Variants in GRIK1 observed in about 807,000 individuals in gnomAD.
GRIK1 encodes the protein glutamate ionotropic receptor kainate type subunit 1.
In GRIK1, 69 loss-of-function variants were observed where a neutral mutation model predicts 105.7. The ratio of observed to expected loss-of-function variants is 0.65; its 90% CI spans 0.54 to 0.80. The LOEUF is 0.80. Among genes scored for constraint, GRIK1 ranks in the 30% least tolerant of loss-of-function variants. The pLI, the probability that GRIK1 is intolerant of heterozygous loss-of-function variation, is 0.00. For synonymous variants in GRIK1, 438 were observed against 431.3 expected (o/e 1.02, Z -0.19); for missense variants, 1,109 against 1,167.3 (o/e 0.95, Z 0.73).
At chr21:29,599,237 T>A (rs1392664667) in intron 7 of GRIK1, among the ~76,000 whole-genome samples, 1 of 152,208 alleles carries the variant, frequency 6.6e-6, no homozygotes, top group East Asian at 1.9e-4. Context: ...ACACAAAATC[T>A]GAGAAATCAC....
intron 1 of GRIK1, among the ~76,000 whole-genome samples, chr21:29,845,267 A>G (rs1348852280): frequency 6.6e-6 from 1 of 152,152 alleles, no homozygotes; most frequent in Non-Finnish European, 1.5e-5. Context: ...AAGAAAAAAA[A>G]TGCCAAACGT....
At chr21:29,707,608 G>C (rs1489585768) in intron 1 of GRIK1, among the ~76,000 whole-genome samples, 1 of 151,732 alleles carries the variant, frequency 6.6e-6, no homozygotes, top group Non-Finnish European at 1.5e-5. Context: ...TGATTCTCCT[G>C]CCTCAGCCTC....
intron 7 of GRIK1, among the ~76,000 whole-genome samples, chr21:29,641,779 C>G (rs745544173): frequency 3.9e-5 from 6 of 152,172 alleles, no homozygotes; most frequent in Non-Finnish European, 7.3e-5. Flanking sequence ...TACATCCCGC[C>G]TGCTTTATCC....
At chr21:29,825,900 CCTCT>C (rs1351790806) in intron 1 of GRIK1, among the ~76,000 whole-genome samples, 1 of 151,968 alleles carries the variant, frequency 6.6e-6, no homozygotes, top group African/African-American at 2.4e-5. Context: ...AGGGAGTGAT[CCTCT>C]CTCTCCCCAC....
At chr21:29,546,553 T>C (rs567039832) in intron 16 of GRIK1, among the ~76,000 whole-genome samples, 1 of 152,356 alleles carries the variant, frequency 6.6e-6, no homozygotes, top group Admixed American at 6.5e-5. Context: ...TCACAGAGAT[T>C]AAGGTAGTAT....
chr21:29,864,908 T>C (rs376679981), intron 1 of GRIK1, among the ~76,000 whole-genome samples: 1 of 152,114 alleles, frequency 6.6e-6, no homozygotes, highest in Non-Finnish European at 1.5e-5. Flanking sequence ...ATGGTCACGA[T>C]TGGGTTGGGG....
chr21:29,809,964 A>G (rs2066967252), intron 1 of GRIK1, among the ~76,000 whole-genome samples: 1 of 152,110 alleles, frequency 6.6e-6, no homozygotes, highest in Non-Finnish European at 1.5e-5. Context: ...TAGCTGTCTC[A>G]TATTGGTGCC....
chr21:29,660,019 C>A (rs2062932592), intron 4 of GRIK1, among the ~76,000 whole-genome samples: 1 of 152,046 alleles, frequency 6.6e-6, no homozygotes, highest in Admixed American at 6.6e-5. Context: ...ACCCTCACTG[C>A]CAGCTGCCTC....
At chr21:29,938,922 C>A (rs912561224) in intron 1 of GRIK1, among the ~76,000 whole-genome samples, 7 of 152,084 alleles carry the variant, frequency 4.6e-5, no homozygotes, top group African/African-American at 1.7e-4. Flanking sequence ...CCCTAGTGGT[C>A]CCTGTATTGT....
In GRIK1 at chr21:29,673,500, G is replaced by A. The variant is rs547415961; in HGVS notation, c.545-336C>T. ...CTTGGTAAACAAAAAGTTGGTTGAAGTTTCCAAAAGTGTTCGATGAAATAG... is the reference window on the plus strand; with the variant it reads ...CTTGGTAAACAAAAAGTTGGTTGAAATTTCCAAAAGTGTTCGATGAAATAG... On this transcript the variant is annotated intron_variant, in intron 3 of 17. Transcript: ENST00000327783. Among the ~76,000 whole-genome samples the A allele has an allele frequency of 2.0e-4, 30 of 152,276 alleles. 1 individual carries two copies. The South Asian group carries it at 6.2e-3, about 32-fold the overall frequency.
intron 12 of GRIK1, among the ~76,000 whole-genome samples, chr21:29,585,693 A>G (rs1374856826): frequency 6.6e-6 from 1 of 152,244 alleles, no homozygotes; most frequent in Non-Finnish European, 1.5e-5. Context: ...TGCAACAAGT[A>G]AACACAAGAT....
chr21:29,558,402 C>T (rs2090311709), intron 15 of GRIK1, among the ~76,000 whole-genome samples: 1 of 129,898 alleles, frequency 7.7e-6, no homozygotes, highest in Non-Finnish European at 1.6e-5. Context: ...ACACACATAT[C>T]TTCCTGAATA....
At chr21:29,782,302 G>A (rs970086389) in intron 1 of GRIK1, among the ~76,000 whole-genome samples, 16 of 151,958 alleles carry the variant, frequency 1.1e-4, no homozygotes, top group South Asian at 4.2e-4. Context: ...TAGCCAGGAT[G>A]GTCTCGATCT....
chr21:29,788,005 T>C (rs924529219), intron 1 of GRIK1, among the ~76,000 whole-genome samples: 3 of 152,238 alleles, frequency 2.0e-5, no homozygotes, highest in Non-Finnish European at 2.9e-5. Flanking sequence ...ATATAATTAC[T>C]TCTATTCATT....
chr21:29,929,022 T>C (rs1187682141), intron 1 of GRIK1, among the ~76,000 whole-genome samples: 1 of 152,190 alleles, frequency 6.6e-6, no homozygotes, highest in Non-Finnish European at 1.5e-5. Flanking sequence ...CTGGATGCTG[T>C]GGCTATAAAT....
chr21:29,843,496 A>T (rs541346189), intron 1 of GRIK1, among the ~76,000 whole-genome samples: 1 of 152,360 alleles, frequency 6.6e-6, no homozygotes, highest in South Asian at 2.1e-4. Context: ...ACATAACTCC[A>T]ACTGTGCCAA....
At chr21:29,798,388 T>C (rs976939170) in intron 1 of GRIK1, among the ~76,000 whole-genome samples, 2 of 152,248 alleles carry the variant, frequency 1.3e-5, no homozygotes, top group African/African-American at 4.8e-5. Context: ...ATTACTTTAA[T>C]GTAAGTAGTG....
At chr21:29,797,993 A>T (rs2066604029) in intron 1 of GRIK1, among the ~76,000 whole-genome samples, 1 of 152,170 alleles carries the variant, frequency 6.6e-6, no homozygotes, top group African/African-American at 2.4e-5. Context: ...CCCAATGAGT[A>T]TGTTTTCTTC....
intron 1 of GRIK1, among the ~76,000 whole-genome samples, chr21:29,775,624 T>C (rs926157212): frequency 2.6e-5 from 4 of 152,154 alleles, no homozygotes; most frequent in African/African-American, 9.6e-5. Flanking sequence ...AAAGGCCAGG[T>C]CTCCTGACTC....
Sources: gnomAD v4.1 joint callset for allele counts (sites outside exome capture counted in the v4.1 genomes callset) on GRCh38, gnomAD v4.1.1 for gene constraint, MANE v1.5 for transcripts, NCBI Gene and HGNC (gene_info 2026-07-23, HGNC 2026-07-21) for gene names.